HS6ST3: variants seen among roughly 807,000 people sequenced by gnomAD.
The protein encoded by HS6ST3 is heparan-sulfate 6-O-sulfotransferase 3.
In HS6ST3, 12 loss-of-function variants were observed where a neutral mutation model predicts 36.7. The ratio of observed to expected loss-of-function variants is 0.33; its 90% CI spans 0.21 to 0.53. HS6ST3 has a LOEUF of 0.53. Ranked by LOEUF, HS6ST3 falls within the 20% of genes least tolerant of loss-of-function variation. The pLI is 0.95. For synonymous variants in HS6ST3, 240 were observed against 257.5 expected, an observed-to-expected ratio of 0.93 and a Z score of 0.65; for missense variants, 584 against 640.9, an observed-to-expected ratio of 0.91 and a Z score of 0.96.
At chr13:96,513,490 A>T (rs1016516642) in intron 1 of HS6ST3, among the ~76,000 whole-genome samples, 1 of 152,122 alleles carries the variant, frequency 6.6e-6, no homozygotes, top group African/African-American at 2.4e-5. Flanking sequence ...CATGATACTG[A>T]CATTTTTAAT....
intron 1 of HS6ST3, among the ~76,000 whole-genome samples, chr13:96,241,492 T>C (rs1025164910): frequency 2.0e-5 from 3 of 151,994 alleles, no homozygotes; most frequent in Non-Finnish European, 2.9e-5. Flanking sequence ...TATATATTTG[T>C]CAAAATACAA....
At chr13:96,541,919 T>C (rs764445872) in intron 1 of HS6ST3, among the ~76,000 whole-genome samples, 28 of 152,354 alleles carry the variant, frequency 1.8e-4, no homozygotes, top group Non-Finnish European at 2.8e-4. Flanking sequence ...GCTTTTCTTA[T>C]GTCACTTGAA....
chr13:96,343,282 G>A (rs2055138981), intron 1 of HS6ST3, among the ~76,000 whole-genome samples: 1 of 152,282 alleles, frequency 6.6e-6, no homozygotes, highest in South Asian at 2.1e-4. Context: ...GCCTCACTGG[G>A]CTAAAATCAA....
intron 1 of HS6ST3, among the ~76,000 whole-genome samples, chr13:96,698,693 A>G (rs1196286081): frequency 2.0e-5 from 3 of 152,196 alleles, no homozygotes; most frequent in South Asian, 2.1e-4. Context: ...AAGGTAATTT[A>G]TAGATTTGAT....
intron 1 of HS6ST3, among the ~76,000 whole-genome samples, chr13:96,633,522 G>A (rs1362700139): frequency 6.6e-6 from 1 of 152,160 alleles, no homozygotes; most frequent in Non-Finnish European, 1.5e-5. Context: ...AAGACCTAGA[G>A]GTATAATGGA....
intron 1 of HS6ST3, among the ~76,000 whole-genome samples, chr13:96,477,497 C>A (rs911688473): frequency 1.1e-4 from 17 of 152,082 alleles, no homozygotes; most frequent in Non-Finnish European, 2.5e-4. Flanking sequence ...CCATGCCTGC[C>A]CTACACCTTT....
At chr13:96,408,371 A>T (rs188470406) in intron 1 of HS6ST3, among the ~76,000 whole-genome samples, 1 of 152,322 alleles carries the variant, frequency 6.6e-6, no homozygotes, top group African/African-American at 2.4e-5. Context: ...AAATGCATGA[A>T]AAATATTCTC....
intron 1 of HS6ST3, among the ~76,000 whole-genome samples, chr13:96,519,193 G>A (rs528714313): frequency 2.0e-5 from 3 of 152,248 alleles, no homozygotes; most frequent in South Asian, 2.1e-4. Flanking sequence ...TGGGTCTACC[G>A]CAAGGTTAAT....
chr13:96,099,913 G>A (rs1437523794), intron 1 of HS6ST3, among the ~76,000 whole-genome samples: 1 of 152,192 alleles, frequency 6.6e-6, no homozygotes, highest in African/African-American at 2.4e-5. Flanking sequence ...AGAAAGAAGA[G>A]CAAACACGGT....
At chr13:96,250,625 T>C (rs2054603457) in intron 1 of HS6ST3, among the ~76,000 whole-genome samples, 1 of 152,208 alleles carries the variant, frequency 6.6e-6, no homozygotes, top group Non-Finnish European at 1.5e-5. Context: ...GCTTCCAGAA[T>C]TGTGACAGAA....
At chr13:96,556,916 C>T (rs1297337677) in intron 1 of HS6ST3, among the ~76,000 whole-genome samples, 2 of 152,120 alleles carry the variant, frequency 1.3e-5, no homozygotes, top group South Asian at 4.2e-4. Flanking sequence ...TTTGGCTGCC[C>T]TCATTTTTGT....
chr13:96,271,609 A>G (rs1187758775), intron 1 of HS6ST3, among the ~76,000 whole-genome samples: 1 of 151,976 alleles, frequency 6.6e-6, no homozygotes, highest in Non-Finnish European at 1.5e-5. Context: ...AGGGGCTCAT[A>G]CAAGGAACTA....
chr13:96,380,104 A>G (rs369370966), intron 1 of HS6ST3, among the ~76,000 whole-genome samples: 1 of 152,194 alleles, frequency 6.6e-6, no homozygotes, highest in African/African-American at 2.4e-5. Flanking sequence ...TGAACATTTT[A>G]AATATTTTCA....
chr13:96,820,054 C>A, intron 1 of HS6ST3, among the ~76,000 whole-genome samples: 1 of 150,500 alleles, frequency 6.6e-6, no homozygotes. Context: ...CCAGCCTGGG[C>A]AATAGAGTGA....
intron 1 of HS6ST3, among the ~76,000 whole-genome samples, chr13:96,468,179 A>G (rs368315448): frequency 2.6e-5 from 4 of 152,210 alleles, no homozygotes; most frequent in African/African-American, 9.6e-5. Context: ...ATTGCTGTAC[A>G]TGTTCCCAAA....
At chr13:96,410,467 G>A (rs1346314042) in intron 1 of HS6ST3, among the ~76,000 whole-genome samples, 1 of 151,776 alleles carries the variant, frequency 6.6e-6, no homozygotes, top group African/African-American at 2.4e-5. Flanking sequence ...AAACTGATAT[G>A]AATTAAAAAA....
chr13:96,589,796 A>AT (rs1190305383), intron 1 of HS6ST3, among the ~76,000 whole-genome samples: 2 of 151,840 alleles, frequency 1.3e-5, no homozygotes, highest in Non-Finnish European at 2.9e-5. Context: ...CTTTCTGTAT[A>AT]TTTTTTTACC....
At chr13:96,334,124 GC>G (rs1386782128) in intron 1 of HS6ST3, among the ~76,000 whole-genome samples, 1 of 152,174 alleles carries the variant, frequency 6.6e-6, no homozygotes. Flanking sequence ...CTGGCTTCTA[GC>G]CAGGGCCTCA....
At chr13:96,677,036 T>A (rs2056701034) in intron 1 of HS6ST3, among the ~76,000 whole-genome samples, 1 of 152,166 alleles carries the variant, frequency 6.6e-6, no homozygotes, top group South Asian at 2.1e-4. Flanking sequence ...TAAAGATGTG[T>A]GCAGCAAATC....
Sources: allele counts gnomAD v4.1 joint callset (sites outside exome capture counted in the v4.1 genomes callset), GRCh38; gene constraint gnomAD v4.1.1; transcripts MANE v1.5; gene names NCBI Gene and HGNC (gene_info 2026-07-23, HGNC 2026-07-21).